Variants in RASGRF2 observed in about 807,000 individuals in gnomAD.
The protein encoded by RASGRF2 is ras-specific guanine nucleotide-releasing factor 2.
Under a neutral mutation model 151.0 loss-of-function variants are expected in RASGRF2, and 76 were observed. That is an observed-to-expected ratio of 0.50 (90% confidence interval 0.42 to 0.61). The LOEUF (loss-of-function observed/expected upper bound fraction) is 0.61, where lower values mean the gene tolerates loss of function less well. RASGRF2 is among the 20% of genes least tolerant of loss of function. RASGRF2 has a pLI of 0.00. For missense variants in RASGRF2, 1,148 were observed against 1,564.6 expected, an observed-to-expected ratio of 0.73 and a Z score of 4.49; for synonymous variants, 504 against 566.5, an observed-to-expected ratio of 0.89 and a Z score of 1.57.
chr5:81,059,375 C>T (rs1472238165), intron 2 of RASGRF2, among the ~76,000 whole-genome samples: 1 of 137,398 alleles, frequency 7.3e-6, no homozygotes, highest in Non-Finnish European at 1.6e-5. Flanking sequence ...CAGAGCGAGA[C>T]TCCGCCTCAA....
At chr5:81,084,797 G>T (rs10074162) in intron 7 of RASGRF2, among the ~76,000 whole-genome samples, 40,709 of 152,070 alleles carry the variant, frequency 0.27, 5,593 homozygotes, top group Middle Eastern at 0.47. Flanking sequence ...ACTTTCAAGT[G>T]CTGAGTGAGA....
At chr5:80,995,399 T>TATATATATATATATACAC (rs1165966102) in intron 1 of RASGRF2, among the ~76,000 whole-genome samples, 2 of 119,780 alleles carry the variant, frequency 1.7e-5, no homozygotes, top group African/African-American at 6.5e-5. Flanking sequence ...TATATATATA[T>TATATATATATATATACAC]ACACACACAC....
chr5:81,029,028 T>C (rs1246394744), intron 1 of RASGRF2, among the ~76,000 whole-genome samples: 1 of 152,218 alleles, frequency 6.6e-6, no homozygotes, highest in Non-Finnish European at 1.5e-5. Flanking sequence ...GAGGGTCCCA[T>C]GCCCACGGAG....
At chr5:80,978,751 C>T (rs953470257) in intron 1 of RASGRF2, among the ~76,000 whole-genome samples, 2 of 151,766 alleles carry the variant, frequency 1.3e-5, no homozygotes, top group African/African-American at 4.8e-5. Context: ...CGTGCCATTG[C>T]ACTCCAGCCT....
intron 1 of RASGRF2, among the ~76,000 whole-genome samples, chr5:80,976,833 G>T (rs1047648045): frequency 2.0e-5 from 3 of 152,154 alleles, no homozygotes; most frequent in African/African-American, 4.8e-5. Context: ...CTTGATTTAT[G>T]CTACCACTTT....
At chr5:81,127,199 C>G in intron 17 of RASGRF2, 36 bp downstream of exon 17, 1 of 1,575,112 alleles carries the variant, frequency 6.3e-7, no homozygotes, top group Non-Finnish European at 8.7e-7. Flanking sequence ...GATATGTGAC[C>G]ATTTATATTA....
intron 17 of RASGRF2, among the ~76,000 whole-genome samples, chr5:81,170,609 G>A (rs1247604329): frequency 6.6e-6 from 1 of 152,058 alleles, no homozygotes; most frequent in Non-Finnish European, 1.5e-5. Context: ...ACATGACTCT[G>A]TCTTTCTCTT....
intron 1 of RASGRF2, among the ~76,000 whole-genome samples, chr5:80,994,798 C>A (rs1748781170): frequency 6.6e-6 from 1 of 152,160 alleles, no homozygotes; most frequent in Non-Finnish European, 1.5e-5. Context: ...TTTCCCCAGG[C>A]TTTTCAAACC....
At chr5:81,065,142 C>T (rs970057105) in intron 2 of RASGRF2, among the ~76,000 whole-genome samples, 3 of 152,118 alleles carry the variant, frequency 2.0e-5, no homozygotes, top group Non-Finnish European at 2.9e-5. Flanking sequence ...ATCGTAGCCT[C>T]GTGACATCCT....
intron 20 of RASGRF2, 141 bp downstream of exon 20, chr5:81,207,046 A>T (rs978865277): frequency 2.0e-5 from 17 of 841,992 alleles, no homozygotes; most frequent in Admixed American, 4.4e-5. Context: ...GATGAACCAC[A>T]TTTGGTGTGG....
In RASGRF2 at chr5:81,011,979, C is replaced by G. The variant is rs533133443; in HGVS notation, c.289-30898C>G. Among the ~76,000 whole-genome samples, 7 of 152,270 alleles carry G rather than the reference C, an allele frequency of 4.6e-5. No individual in the cohort carries two copies. The South Asian group carries it at 1.4e-3, about 32-fold the overall frequency. On this transcript the variant is annotated intron_variant, in intron 1 of 26. Coordinates refer to ENST00000265080, the MANE Select transcript of RASGRF2 (RefSeq NM_006909.3). The stretch of plus-strand genomic sequence containing the variant: ...TCACCTATTGACATAAATGCAGAAG[C>G]TCTACAACGTTGCTGGTGGCCTGAA...
intron 18 of RASGRF2, among the ~76,000 whole-genome samples, chr5:81,198,443 A>ATTT (rs34980516): frequency 6.8e-6 from 1 of 147,130 alleles, no homozygotes; most frequent in Non-Finnish European, 1.5e-5. Flanking sequence ...ATAGAACATG[A>ATTT]TTTTTTTTTT....
At chr5:81,113,346 G>C (rs928118227) in intron 14 of RASGRF2, 192 bp from the exon 15 acceptor site, 7 of 664,022 alleles carry the variant, frequency 1.1e-5, no homozygotes, top group Non-Finnish European at 1.5e-5. Context: ...GGGATTAGAC[G>C]ATGCCTAATA....
At chr5:81,084,464 TA>T (rs1382594828) in intron 7 of RASGRF2, among the ~76,000 whole-genome samples, 2 of 152,294 alleles carry the variant, frequency 1.3e-5, no homozygotes, top group South Asian at 2.1e-4. Flanking sequence ...CCATATATCC[TA>T]AAAAGGGAGG....
chr5:81,185,584 G>A (rs1169965167), intron 18 of RASGRF2, among the ~76,000 whole-genome samples: 1 of 152,098 alleles, frequency 6.6e-6, no homozygotes, highest in Non-Finnish European at 1.5e-5. Flanking sequence ...TCTCACCAAA[G>A]TGCCCCACAC....
chr5:81,005,148 T>A (rs1327178526), intron 1 of RASGRF2, among the ~76,000 whole-genome samples: 1 of 152,186 alleles, frequency 6.6e-6, no homozygotes, highest in Non-Finnish European at 1.5e-5. Flanking sequence ...TCATTTAACA[T>A]TAGTGTATTA....
intron 1 of RASGRF2, among the ~76,000 whole-genome samples, chr5:80,977,688 C>G (rs1260844657): frequency 6.6e-6 from 1 of 152,164 alleles, no homozygotes; most frequent in Non-Finnish European, 1.5e-5. Flanking sequence ...AACTACTGAC[C>G]TCAGGTGATC....
rs527384245 is a variant in RASGRF2, at chr5:81,073,915, C to T, written c.887+463C>T. Reference sequence around the variant, plus strand: ...TACAGGCGTGAGCCACCACACCCAGCCTGCATTGTTATTTTTACATCTTTA... The same window carrying T: ...TACAGGCGTGAGCCACCACACCCAGTCTGCATTGTTATTTTTACATCTTTA... On this transcript the variant is annotated intron_variant, in intron 5 of 26. Transcript: ENST00000265080. Among the ~76,000 whole-genome samples the T allele has an allele frequency of 3.9e-5, 6 of 152,296 alleles. No homozygotes were observed. In the South Asian group the frequency reaches 1.2e-3, roughly 32 times the overall value.
At chr5:81,046,501 G>A (rs1184352708) in intron 2 of RASGRF2, among the ~76,000 whole-genome samples, 2 of 151,928 alleles carry the variant, frequency 1.3e-5, no homozygotes, top group Non-Finnish European at 2.9e-5. Context: ...TAGAACACGG[G>A]CACATTTAGG....
Sources: allele counts gnomAD v4.1 joint callset (sites outside exome capture counted in the v4.1 genomes callset), GRCh38; gene constraint gnomAD v4.1.1; transcripts MANE v1.5; gene names NCBI Gene and HGNC (gene_info 2026-07-23, HGNC 2026-07-21).